Variants in TMX3 observed in about 807,000 individuals in gnomAD.
TMX3 encodes protein disulfide-isomerase TMX3.
TMX3 carries 40 observed loss-of-function variants against 64.4 expected under a neutral mutation model. The ratio of observed to expected loss-of-function variants is 0.62; its 90% confidence interval spans 0.48 to 0.81. The LOEUF is 0.81. Among genes scored for constraint, TMX3 ranks in the 30% least tolerant of loss-of-function variants. The probability of loss-of-function intolerance (pLI) is 0.00; values close to 1 mark genes in which losing one functional copy is unlikely to be tolerated. For synonymous variants in TMX3, 189 were observed against 175.7 expected (o/e 1.08, Z -0.60); for missense variants, 497 against 534.5 (o/e 0.93, Z 0.69).
chr18:68,714,588 A>C (rs916880269), intron 1 of TMX3: 1 of 382,470 alleles, frequency 2.6e-6, no homozygotes, highest in Non-Finnish European at 4.7e-6. Context: ...ACCTAAAGCC[A>C]AGGCAAGATT....
intron 10 of TMX3, chr18:68,686,987 A>G (rs1914026004): frequency 2.0e-6 from 2 of 982,558 alleles, no homozygotes; most frequent in African/African-American, 1.7e-5. Context: ...TTAAAAAAAA[A>G]TAAGTCTTGA....
intron 2 of TMX3, among the ~76,000 whole-genome samples, chr18:68,713,123 A>G (rs1346219647): frequency 6.6e-6 from 1 of 152,240 alleles, no homozygotes; most frequent in South Asian, 2.1e-4. Context: ...CATTTCCTAC[A>G]GCACTGAACA....
intron 10 of TMX3, among the ~76,000 whole-genome samples, chr18:68,684,699 C>T (rs985590762): frequency 3.3e-5 from 5 of 152,164 alleles, no homozygotes; most frequent in South Asian, 4.1e-4. Context: ...TTCCCTTCCA[C>T]GTCCCACCCC....
rs1912737087 is a variant in TMX3 at position 68,674,067 on chromosome 18, CAA to C, written c.*2864_*2865del. 6.6e-6 allele frequency: 1 copy of C among 152,102 alleles called. No homozygotes were observed. Among genetic ancestry groups the C allele is most frequent in the Non-Finnish European group, 1.5e-5 (1 of 67,990 alleles). 9.4% of individuals were successfully genotyped at this position (152,102 alleles called of 1,614,324 possible). ...AAAAGGTCCCAAAGCAAAACACACACAAAAAGTCACTAACAATATCCACTAAA... is the reference window on the plus strand; with the variant it reads ...AAAAGGTCCCAAAGCAAAACACACACAAAGTCACTAACAATATCCACTAAA... On this transcript the variant is annotated 3_prime_UTR_variant, in exon 16 of 16. Coordinates refer to ENST00000299608, the MANE Select transcript of TMX3 (RefSeq NM_019022.5).
chr18:68,711,451 T>C (rs2031267108), intron 2 of TMX3, 48 bp from the exon 3 acceptor site: 4 of 1,363,614 alleles, frequency 2.9e-6, no homozygotes, highest in South Asian at 1.3e-5. Context: ...GTGTCCACTT[T>C]ACAACTGTAT....
At chr18:68,705,115 G>A (rs959098158) in intron 4 of TMX3, among the ~76,000 whole-genome samples, 1 of 152,110 alleles carries the variant, frequency 6.6e-6, no homozygotes, top group Non-Finnish European at 1.5e-5. Context: ...AAAACAGTGA[G>A]TAAGGGGGTA....
At chr18:68,687,643 G>T in intron 10 of TMX3, 24 bp downstream of exon 10, 1 of 1,574,498 alleles carries the variant, frequency 6.4e-7, no homozygotes, top group Non-Finnish European at 8.6e-7. Context: ...TAACATAATG[G>T]AGACTTGTAC....
chr18:68,692,969 G>C, intron 8 of TMX3, among the ~76,000 whole-genome samples: 1 of 152,134 alleles, frequency 6.6e-6, no homozygotes, highest in Non-Finnish European at 1.5e-5. Context: ...TGCACTCCAA[G>C]TGCCAACTGC....
At chr18:68,699,316 T>C (rs1388857836) in intron 6 of TMX3, among the ~76,000 whole-genome samples, 1 of 152,084 alleles carries the variant, frequency 6.6e-6, no homozygotes, top group East Asian at 1.9e-4. Flanking sequence ...CAAAACTCAT[T>C]AAAAATTTCT....
chr18:68,711,468 G>T (rs9967380), intron 2 of TMX3, 65 bp from the exon 3 acceptor site: 1 of 1,132,806 alleles, frequency 8.8e-7, no homozygotes, highest in Admixed American at 2.4e-5. Context: ...GTATAGTATA[G>T]GCAGAGATAA....
In TMX3 at chr18:68,679,522, C is replaced by A; in HGVS notation, c.1045G>T (p.Gly349Cys). ...ILDGTVEAQG[G>C]DSILQRLKRI... is the part of the protein sequence containing the mutation. Reference sequence around the variant, plus strand: ...TTCAATCTCTGCAAAATGCTATCACCTCCTTGGGCCTTCAAAAAAGGAAAA... The same window carrying A: ...TTCAATCTCTGCAAAATGCTATCACATCCTTGGGCCTTCAAAAAAGGAAAA... The change falls in exon 15 of 16, where the codon GGT becomes TGT. Residue 349 changes from glycine to cysteine, a missense_variant. By Grantham distance (159) the Gly-to-Cys change is radical. Around this residue, in one of 3 missense-constraint regions of TMX3, gnomAD observed 43 missense variants for 75.3 expected, o/e 0.57. Transcript: ENST00000299608. 1 of 1,609,944 alleles carries A rather than the reference C, an allele frequency of 6.2e-7. No homozygotes were observed.
At chr18:68,708,730 A>G (rs2145135172) in intron 4 of TMX3, among the ~76,000 whole-genome samples, 1 of 152,292 alleles carries the variant, frequency 6.6e-6, no homozygotes, top group South Asian at 2.1e-4. Context: ...CATACTGACA[A>G]GTGATAAAAT....
At chr18:68,713,985 T>C in intron 1 of TMX3, 85 bp from the exon 2 acceptor site, 1 of 951,596 alleles carries the variant, frequency 1.1e-6, no homozygotes, top group Non-Finnish European at 1.5e-6. Flanking sequence ...GAAGTGTTTT[T>C]GACCTTTCAC....
intron 2 of TMX3, among the ~76,000 whole-genome samples, chr18:68,711,625 G>A (rs2031284441): frequency 6.6e-6 from 1 of 152,142 alleles, no homozygotes; most frequent in Middle Eastern, 3.2e-3. Flanking sequence ...AAGACTCCAA[G>A]AAAAAGAATT....
chr18:68,692,104 A>T (rs1297303506), intron 8 of TMX3, among the ~76,000 whole-genome samples: 5 of 152,204 alleles, frequency 3.3e-5, no homozygotes, highest in African/African-American at 1.2e-4. Flanking sequence ...ATAATACAGA[A>T]TTATTTGGTT....
In TMX3 at chr18:68,710,008, A is replaced by G. The variant is rs752089047; in HGVS notation, c.265+13T>C. On this transcript the variant is annotated intron_variant, in intron 4 of 15. Coordinates refer to ENST00000299608, the MANE Select transcript of TMX3 (RefSeq NM_019022.5). ...GTGAGAACAGTAAAATAATAAACTA[A>G]GTGAAGGCTTACTAGAATAGGAAGT... 7.6e-6 allele frequency: 12 copies of G among 1,574,380 alleles called. No homozygotes were observed. The highest frequency in any genetic ancestry group is 1.0e-5 in the Non-Finnish European group (12 of 1,164,510).
intron 13 of TMX3, chr18:68,681,612 G>C (rs940632766): frequency 1.0e-5 from 10 of 985,382 alleles, no homozygotes; most frequent in Non-Finnish European, 1.2e-5. Context: ...TGAAGATGAT[G>C]AATGTTACTT....
At chr18:68,712,509 C>T (rs1465187724) in intron 2 of TMX3, among the ~76,000 whole-genome samples, 2 of 152,120 alleles carry the variant, frequency 1.3e-5, no homozygotes, top group Non-Finnish European at 2.9e-5. Flanking sequence ...GAGCAAGGAA[C>T]AATTCATTTT....
At chr18:68,702,499 A>G (rs1050922891) in intron 4 of TMX3, among the ~76,000 whole-genome samples, 1 of 152,326 alleles carries the variant, frequency 6.6e-6, no homozygotes, top group South Asian at 2.1e-4. Flanking sequence ...ATAAGACCTT[A>G]AACAGTAGAG....
Sources: gnomAD v4.1 joint callset for allele counts (sites outside exome capture counted in the v4.1 genomes callset) on GRCh38, gnomAD v4.1.1 for gene constraint, gnomAD v4.1.1 regional missense constraint, MANE v1.5 for transcripts, NCBI Gene and HGNC (gene_info 2026-07-23, HGNC 2026-07-21) for gene names.